FAM107B: variants seen among roughly 807,000 people sequenced by gnomAD.
The protein encoded by FAM107B is protein FAM107B.
A neutral mutation model predicts 31.5 loss-of-function variants in FAM107B; 21 were observed. The ratio of observed to expected loss-of-function variants is 0.67; its 90% CI spans 0.47 to 0.96. FAM107B has a LOEUF of 0.96. Ranked by LOEUF, FAM107B falls within the 40% of genes least tolerant of loss-of-function variation. The probability of loss-of-function intolerance (pLI) is 0.00; values close to 1 mark genes in which losing one functional copy is unlikely to be tolerated. For missense variants in FAM107B, 452 were observed against 377.1 expected (o/e 1.20, Z -1.64); for synonymous variants, 157 against 141.5 (o/e 1.11, Z -0.78).
chr10:14,708,836 C>T (rs1177618998), intron 1 of FAM107B, among the ~76,000 whole-genome samples: 1 of 152,070 alleles, frequency 6.6e-6, no homozygotes, highest in Non-Finnish European at 1.5e-5. Context: ...TCTGAACATA[C>T]ACTTCACCAA....
intron 2 of FAM107B, among the ~76,000 whole-genome samples, chr10:14,573,576 C>CAA (rs774786735): frequency 0.04 from 4,894 of 122,004 alleles, 175 homozygotes; most frequent in Non-Finnish European, 0.056. Flanking sequence ...ATTAAAAATA[C>CAA]AAAAAAAAAA....
Position 14,667,654 on chromosome 10 carries a change from A to C in FAM107B, c.449T>G (p.Leu150Arg), listed in dbSNP as rs1233311822. The C allele has an allele frequency of 6.2e-7, 1 of 1,614,184 alleles. No homozygotes were observed. The highest frequency in any genetic ancestry group is 1.7e-5 in the Admixed American group (1 of 60,016). The change falls in exon 2 of 5, where the codon CTG becomes CGG. Residue 150 changes from leucine (L) to arginine (R), a missense_variant. By Grantham distance (102) the Leu-to-Arg change is moderately radical. Coordinates refer to ENST00000181796, the MANE Select transcript of FAM107B (RefSeq NM_031453.4). The stretch of plus-strand genomic sequence containing the variant: ...TCTACCTGATGTCATTTTCTGCTCC[A>C]GCTCGAGGCATTTAGGTTCTTCTCG... ...EFREEPKCLE[L>R]EQKMTSDSPP...
intron 1 of FAM107B, among the ~76,000 whole-genome samples, chr10:14,694,582 C>T (rs576086793): frequency 5.9e-5 from 9 of 152,272 alleles, no homozygotes; most frequent in African/African-American, 2.2e-4. Flanking sequence ...AGAGTTTCTC[C>T]ATGTTGGTCA....
intron 2 of FAM107B, among the ~76,000 whole-genome samples, chr10:14,560,941 A>T (rs1850187538): frequency 6.6e-6 from 1 of 152,172 alleles, no homozygotes; most frequent in South Asian, 2.1e-4. Flanking sequence ...CAATGAGTAC[A>T]AACAGCCAAC....
chr10:14,760,697 T>G (rs959580664), intron 1 of FAM107B, among the ~76,000 whole-genome samples: 25 of 147,880 alleles, frequency 1.7e-4, no homozygotes, highest in African/African-American at 6.1e-4. Context: ...TTATCTGATT[T>G]AAGGATGAAG....
Position 14,732,113 on chromosome 10 carries a change from A to G in FAM107B, c.411+42140T>C, listed in dbSNP as rs1386383098. ...CACTCTCAGAAGTGCCTCAGTTTCT[A>G]TGGTGAAGTAGATAATGACCTAACT... On this transcript the variant is annotated intron_variant, in intron 1 of 4. Transcript: ENST00000181796. Among the ~76,000 whole-genome samples the G allele has an allele frequency of 3.9e-5, 6 of 152,298 alleles. No homozygotes were observed. The East Asian group carries it at 1.2e-3, about 29-fold the overall frequency.
chr10:14,773,962 C>T (rs116774872), intron 1 of FAM107B, among the ~76,000 whole-genome samples: 6 of 152,270 alleles, frequency 3.9e-5, no homozygotes, highest in African/African-American at 1.4e-4. Context: ...TACTCCTAAT[C>T]TGTTATTGAG....
intron 2 of FAM107B, among the ~76,000 whole-genome samples, chr10:14,549,920 A>G (rs147247912): frequency 0.012 from 1,806 of 152,362 alleles, 18 homozygotes; most frequent in Non-Finnish European, 0.017. Context: ...GAATGATGAA[A>G]GCCTAAAAAC....
chr10:14,653,672 T>C (rs1021492328), intron 2 of FAM107B, among the ~76,000 whole-genome samples: 8 of 152,234 alleles, frequency 5.3e-5, no homozygotes, highest in Non-Finnish European at 1.2e-4. Context: ...TATTTTGTAA[T>C]TATTCATTAC....
At chr10:14,767,055 T>TATATATATATATATATAG (rs1440609298) in intron 1 of FAM107B, among the ~76,000 whole-genome samples, 5 of 18,280 alleles carry the variant, frequency 2.7e-4, no homozygotes, top group Admixed American at 8.8e-4. Context: ...TATATATATA[T>TATATATATATATATATAG]AGAGAGAGAG....
At chr10:14,539,759 C>T (rs1286508555) in intron 2 of FAM107B, among the ~76,000 whole-genome samples, 1 of 152,108 alleles carries the variant, frequency 6.6e-6, no homozygotes, top group Admixed American at 6.5e-5. Flanking sequence ...CTATAACAGC[C>T]CCTTGTCTTG....
intron 2 of FAM107B, among the ~76,000 whole-genome samples, chr10:14,550,917 C>T (rs1320940647): frequency 6.6e-6 from 1 of 152,186 alleles, no homozygotes; most frequent in African/African-American, 2.4e-5. Flanking sequence ...TCACTCATCA[C>T]TTCGAGAGGA....
chr10:14,544,169 G>A (rs1429143080), intron 2 of FAM107B, among the ~76,000 whole-genome samples: 1 of 152,060 alleles, frequency 6.6e-6, no homozygotes, highest in Non-Finnish European at 1.5e-5. Context: ...TGTATCCTGG[G>A]GCTCCCAGCT....
chr10:14,676,773 AG>A (rs1474991124), intron 1 of FAM107B, among the ~76,000 whole-genome samples: 1 of 152,220 alleles, frequency 6.6e-6, no homozygotes, highest in Non-Finnish European at 1.5e-5. Flanking sequence ...TAATTATTGG[AG>A]GAGTTAGTAA....
intron 1 of FAM107B, among the ~76,000 whole-genome samples, chr10:14,732,910 T>C (rs1185187525): frequency 6.8e-6 from 1 of 146,388 alleles, no homozygotes; most frequent in Non-Finnish European, 1.5e-5. Context: ...AATATATTAA[T>C]ATTATATTAA....
chr10:14,574,980 C>CT (rs1341780152), intron 2 of FAM107B, among the ~76,000 whole-genome samples: 2 of 152,146 alleles, frequency 1.3e-5, no homozygotes, highest in East Asian at 3.8e-4. Flanking sequence ...ATATGACCTC[C>CT]TTTATTAACA....
chr10:14,560,241 C>G (rs1466805234), intron 2 of FAM107B, among the ~76,000 whole-genome samples: 3 of 151,764 alleles, frequency 2.0e-5, no homozygotes, highest in African/African-American at 7.3e-5. Context: ...CCATTTGGAA[C>G]AAGTGCCCAT....
At chr10:14,728,943 G>A (rs1856099542) in intron 1 of FAM107B, among the ~76,000 whole-genome samples, 2 of 152,086 alleles carry the variant, frequency 1.3e-5, no homozygotes, top group Admixed American at 6.5e-5. Context: ...TACAAGCCAG[G>A]CACTTTATGT....
chr10:14,564,536 A>G (rs1054064994), intron 2 of FAM107B, among the ~76,000 whole-genome samples: 1 of 152,100 alleles, frequency 6.6e-6, no homozygotes, highest in South Asian at 2.1e-4. Context: ...AAAATATTAT[A>G]AAAACATTTT....
Sources: gnomAD v4.1 joint callset for allele counts (sites outside exome capture counted in the v4.1 genomes callset) on GRCh38, gnomAD v4.1.1 for gene constraint, MANE v1.5 for transcripts, NCBI Gene and HGNC (gene_info 2026-07-23, HGNC 2026-07-21) for gene names.